EPC1: variants seen among roughly 807,000 people sequenced by gnomAD.
The protein encoded by EPC1 is enhancer of polycomb 1, also known as enhancer of polycomb homolog 1.
In EPC1, 12 loss-of-function variants were observed where a neutral mutation model predicts 98.4. The observed-to-expected ratio is 0.12, with a 90% CI of 0.08 to 0.20. The LOEUF (loss-of-function observed/expected upper bound fraction) is 0.20. EPC1 is among the 10% of genes least tolerant of loss of function. The pLI, the probability that EPC1 is intolerant of heterozygous loss-of-function variation, is 1.00. For missense variants in EPC1, 729 were observed against 990.5 expected (o/e 0.74, Z 3.54); for synonymous variants, 357 against 363.9 (o/e 0.98, Z 0.21).
intron 1 of EPC1, among the ~76,000 whole-genome samples, chr10:32,324,579 T>C (rs918812459): frequency 1.3e-4 from 20 of 151,978 alleles, no homozygotes; most frequent in Non-Finnish European, 2.6e-4. Context: ...CTTACTCTTA[T>C]TTACTTAATA....
At chr10:32,317,503 G>C (rs751196198) in intron 1 of EPC1, among the ~76,000 whole-genome samples, 1 of 152,222 alleles carries the variant, frequency 6.6e-6, no homozygotes, top group East Asian at 1.9e-4. Context: ...TTAGCCGGGT[G>C]TGGTGGCACA....
intron 1 of EPC1, among the ~76,000 whole-genome samples, chr10:32,361,187 T>A (rs1839433354): frequency 6.6e-6 from 1 of 152,186 alleles, no homozygotes; most frequent in African/African-American, 2.4e-5. Context: ...GGTTAAAAGG[T>A]CTGGCTCTGG....
chr10:32,307,083 C>CTT (rs2132826101), intron 1 of EPC1, among the ~76,000 whole-genome samples: 1 of 152,192 alleles, frequency 6.6e-6, no homozygotes, highest in African/African-American at 2.4e-5. Flanking sequence ...TTATCCCTAG[C>CTT]TTTGGTTTGC....
intron 1 of EPC1, 68 bp from the exon 2 acceptor site, chr10:32,305,999 A>C (rs1431500919): frequency 7.1e-7 from 1 of 1,403,218 alleles, no homozygotes; most frequent in Non-Finnish European, 9.4e-7. Context: ...ATATAGCCAA[A>C]AAGGTTTTTT....
intron 1 of EPC1, among the ~76,000 whole-genome samples, chr10:32,323,241 C>T (rs1465138548): frequency 6.6e-6 from 1 of 152,046 alleles, no homozygotes; most frequent in Non-Finnish European, 1.5e-5. Context: ...CCCTAAGTTT[C>T]GCCAAAACCA....
In EPC1 at chr10:32,287,290, G is replaced by A. The variant is rs372013912; in HGVS notation, c.976-16C>T. ...CTTTATCTTGCTGCAACAAAGACATGAATTAATTATACACCAGAAACCATG... is the reference window on the plus strand; with the variant it reads ...CTTTATCTTGCTGCAACAAAGACATAAATTAATTATACACCAGAAACCATG... On this transcript the variant is annotated splice_polypyrimidine_tract_variant and intron_variant, in intron 6 of 13. Transcript: ENST00000319778. The A allele has an allele frequency of 1.9e-6, 3 of 1,612,572 alleles. No homozygotes were observed. The highest frequency in any genetic ancestry group is 2.5e-6 in the Non-Finnish European group (3 of 1,179,530).
chr10:32,337,154 T>C (rs1389977604), intron 1 of EPC1, among the ~76,000 whole-genome samples: 1 of 152,230 alleles, frequency 6.6e-6, no homozygotes, highest in Non-Finnish European at 1.5e-5. Context: ...TTGATTCTTT[T>C]GAGGCTAGTA....
intron 1 of EPC1, chr10:32,345,655 C>T (rs940407076): frequency 9.7e-5 from 96 of 984,756 alleles, no homozygotes; most frequent in East Asian, 1.1e-4. Context: ...TTCTATTATC[C>T]TGGTGTCCGA....
chr10:32,344,127 C>T (rs1838579879), intron 1 of EPC1, among the ~76,000 whole-genome samples: 1 of 152,204 alleles, frequency 6.6e-6, no homozygotes, highest in East Asian at 1.9e-4. Flanking sequence ...TACTTCCGCA[C>T]ATCAAAAAGT....
At chr10:32,349,371 A>G (rs1243156043), upstream of EPC1, among the ~76,000 whole-genome samples, 1 of 152,214 alleles carries the variant, frequency 6.6e-6, no homozygotes, top group Non-Finnish European at 1.5e-5. Flanking sequence ...TAGAGAGTCT[A>G]AAATCACCCT....
At chr10:32,279,768 T>C (rs528542247) in intron 10 of EPC1, among the ~76,000 whole-genome samples, 3 of 152,280 alleles carry the variant, frequency 2.0e-5, no homozygotes, top group Non-Finnish European at 4.4e-5. Flanking sequence ...AGTCAGTCAC[T>C]GAACACTCAA....
At chr10:32,295,420 AT>A (rs1835095076) in intron 2 of EPC1, among the ~76,000 whole-genome samples, 1 of 152,130 alleles carries the variant, frequency 6.6e-6, no homozygotes, top group Admixed American at 6.6e-5. Context: ...TCACTGTTTT[AT>A]TTTTTATTTT....
chr10:32,312,773 C>G (rs1836320372), intron 1 of EPC1, among the ~76,000 whole-genome samples: 1 of 151,886 alleles, frequency 6.6e-6, no homozygotes, highest in African/African-American at 2.4e-5. Context: ...TTTTAAAACT[C>G]AAAGCTATAT....
intron 1 of EPC1, among the ~76,000 whole-genome samples, chr10:32,323,089 T>C (rs559989910): frequency 6.8e-6 from 1 of 146,768 alleles, no homozygotes; most frequent in African/African-American, 2.5e-5. Flanking sequence ...TGTATCAAAA[T>C]ATCACATGTA....
intron 5 of EPC1, 132 bp downstream of exon 5, chr10:32,292,364 A>T (rs1226107229): frequency 1.6e-6 from 1 of 610,648 alleles, no homozygotes; most frequent in Non-Finnish European, 2.6e-6. Context: ...GTATCATACC[A>T]CATATTTAAA....
intron 1 of EPC1, among the ~76,000 whole-genome samples, chr10:32,365,864 T>C (rs959902282): frequency 4.5e-5 from 5 of 110,670 alleles, no homozygotes; most frequent in African/African-American, 1.8e-4. Context: ...ACAGGTGCAA[T>C]GGCTCAAACA....
chr10:32,286,550 A>G (rs546269807), intron 9 of EPC1, 144 bp downstream of exon 9: 229 of 1,007,772 alleles, frequency 2.3e-4, no homozygotes, highest in Middle Eastern at 9.9e-4. Flanking sequence ...GCACAGCAAC[A>G]AAAATATTTT....
Position 32,347,072 on chromosome 10 carries a change from G to A in EPC1, c.-157C>T, listed in dbSNP as rs1838890467. ...TCCGGGCACTAACACCAGCCGGGAG[G>A]GTGGGAGGCTGTGCCGCTCCGCTCC... On this transcript the variant is annotated 5_prime_UTR_variant, in exon 1 of 14. Transcript: ENST00000319778. The A allele has an allele frequency of 5.5e-6, 8 of 1,452,080 alleles. No homozygotes were observed. Among genetic ancestry groups the A allele is most frequent in the Non-Finnish European group, 6.3e-6 (7 of 1,108,802 alleles). The allele number at this position is 1,452,080 out of a possible 1,614,324, so 89.9% of individuals were successfully genotyped here.
chr10:32,319,129 C>A (rs1836731351), intron 1 of EPC1, among the ~76,000 whole-genome samples: 1 of 152,168 alleles, frequency 6.6e-6, no homozygotes, highest in African/African-American at 2.4e-5. Flanking sequence ...AGGATGTCTA[C>A]CCCGCTTTTG....
Sources: gnomAD v4.1 joint callset for allele counts (sites outside exome capture counted in the v4.1 genomes callset) on GRCh38, gnomAD v4.1.1 for gene constraint, MANE v1.5 for transcripts, NCBI Gene and HGNC (gene_info 2026-07-23, HGNC 2026-07-21) for gene names.